Variants in WIPF3 observed in about 807,000 individuals in gnomAD.
The protein encoded by WIPF3 is WAS/WASL-interacting protein family member 3.
WIPF3 carries 33 observed loss-of-function variants against 38.9 expected under a neutral mutation model. That is an observed-to-expected ratio of 0.85 (90% CI 0.64 to 1.14). The LOEUF is 1.14. Ranked by LOEUF, WIPF3 falls within the 50% of genes most tolerant of loss-of-function variation. The pLI is 0.00. For missense variants in WIPF3, 711 were observed against 652.5 expected (o/e 1.09, Z -0.98); for synonymous variants, 324 against 269.3 (o/e 1.20, Z -1.99).
chr7:29,812,304 T>G (rs1415591067), intron 1 of WIPF3, among the ~76,000 whole-genome samples: 3 of 152,240 alleles, frequency 2.0e-5, no homozygotes, highest in Non-Finnish European at 4.4e-5. Flanking sequence ...CAAATCTGGC[T>G]TACATGGATT....
intron 2 of WIPF3, 104 bp downstream of exon 2, chr7:29,834,918 T>A: frequency 7.3e-7 from 1 of 1,360,840 alleles, no homozygotes; most frequent in Non-Finnish European, 9.9e-7. Context: ...CTAGCTTCCC[T>A]GTGGCAGGTG....
At chr7:29,879,457 A>G (rs1467584245) in intron 4 of WIPF3, among the ~76,000 whole-genome samples, 1 of 152,240 alleles carries the variant, frequency 6.6e-6, no homozygotes, top group Non-Finnish European at 1.5e-5. Context: ...GAAGGTCCAA[A>G]TTGTAATAGA....
At chr7:29,904,470 A>T in intron 8 of WIPF3, 108 bp downstream of exon 8, 2 of 1,139,732 alleles carry the variant, frequency 1.8e-6, no homozygotes, top group South Asian at 1.4e-5. Flanking sequence ...TTTTCCTCAC[A>T]CTCCTTTTCC....
chr7:29,829,297 C>G (rs979269080), intron 1 of WIPF3, among the ~76,000 whole-genome samples: 2 of 150,860 alleles, frequency 1.3e-5, no homozygotes, highest in Non-Finnish European at 3.0e-5. Context: ...ACTGCAACCT[C>G]CGCCTCCCAG....
intron 2 of WIPF3, among the ~76,000 whole-genome samples, chr7:29,859,600 C>T (rs1785241306): frequency 6.6e-6 from 1 of 152,066 alleles, no homozygotes. Context: ...AAAGTAGGAA[C>T]CTGGAAGCAA....
At chr7:29,822,321 G>T (rs1784552794) in intron 1 of WIPF3, among the ~76,000 whole-genome samples, 1 of 151,910 alleles carries the variant, frequency 6.6e-6, no homozygotes, top group African/African-American at 2.4e-5. Context: ...AGAGAAGTAT[G>T]TGTGTTATAA....
chr7:29,811,482 G>C (rs971313253), intron 1 of WIPF3, among the ~76,000 whole-genome samples: 3 of 152,174 alleles, frequency 2.0e-5, no homozygotes, highest in African/African-American at 4.8e-5. Context: ...GTTGTGGATA[G>C]TTTCCAGAGG....
At chr7:29,881,329 C>T (rs1225630666) in intron 4 of WIPF3, among the ~76,000 whole-genome samples, 1 of 152,186 alleles carries the variant, frequency 6.6e-6, no homozygotes, top group Non-Finnish European at 1.5e-5. Context: ...ATGTTTTGTT[C>T]ATTGCCATAG....
At chr7:29,912,641 G>A (rs1786525345) in intron 8 of WIPF3, 1 of 204,588 alleles carries the variant, frequency 4.9e-6, no homozygotes, top group Admixed American at 4.3e-5. Context: ...CCTGAACTTG[G>A]AAAAATAAAG....
intron 8 of WIPF3, 124 bp from the exon 9 acceptor site, chr7:29,914,369 C>T (rs777288189): frequency 9.5e-6 from 7 of 736,184 alleles, no homozygotes; most frequent in Non-Finnish European, 1.4e-5. Context: ...TCTCCCCAAA[C>T]TTGACAGCCT....
intron 7 of WIPF3, among the ~76,000 whole-genome samples, chr7:29,903,805 G>C (rs1229489645): frequency 6.6e-6 from 1 of 152,136 alleles, no homozygotes; most frequent in Admixed American, 6.5e-5. Context: ...GAACTTTGAG[G>C]TTTTTTTCCA....
chr7:29,855,737 T>C lies in WIPF3; in HGVS notation c.91-20093T>C, dbSNP rs376131809. ...CAAAGAAACCACAAGAAGTGAATGT[T>C]AACTCACTTTTTACAAATCATCTCA... On this transcript the variant is annotated intron_variant, in intron 2 of 8. Coordinates refer to ENST00000242140, the MANE Select transcript of WIPF3 (RefSeq NM_001080529.3). Among the ~76,000 whole-genome samples, 3 of 152,318 alleles carry C rather than the reference T, an allele frequency of 2.0e-5. No homozygotes were observed. The South Asian group carries it at 6.2e-4, about 32-fold the overall frequency.
chr7:29,884,272 A>ACCCCCCCCCCCCCCCCC lies in WIPF3; in HGVS notation c.778_779insCCCCCCCCCCCCCCCCC (p.Ile260ThrfsTer120). ...GCTGGCTCCCTTGCACCTCCCGCCCATCCCGCCCCCGCTCCCTCTGCTCCC... is the reference window on the plus strand; with the variant it reads ...GCTGGCTCCCTTGCACCTCCCGCCCACCCCCCCCCCCCCCCCCTCCCGCCCCCGCTCCCTCTGCTCCC... On this transcript the variant is annotated frameshift_variant, in exon 5 of 9. Transcript: ENST00000242140. LOFTEE classifies it high-confidence loss of function. The ACCCCCCCCCCCCCCCCC allele has an allele frequency of 3.7e-6, 1 of 268,998 alleles. No individual in the cohort carries two copies. 16.7% of individuals were successfully genotyped at this position (268,998 alleles called of 1,614,324 possible).
intron 1 of WIPF3, among the ~76,000 whole-genome samples, chr7:29,831,337 G>A (rs971695968): frequency 1.3e-5 from 2 of 152,200 alleles, no homozygotes; most frequent in Non-Finnish European, 1.5e-5. Context: ...CAACGGATTA[G>A]ATGGCGCCCA....
chr7:29,850,181 A>G (rs1177655829), intron 2 of WIPF3, among the ~76,000 whole-genome samples: 3 of 152,364 alleles, frequency 2.0e-5, no homozygotes, highest in South Asian at 2.1e-4. Flanking sequence ...AAGAGGCACC[A>G]TGCTTGTTCC....
rs767462022 is a variant in WIPF3, at chr7:29,883,947, G to C, written c.453G>C (p.Arg151Ser). 3 of 1,573,694 alleles carry C rather than the reference G, an allele frequency of 1.9e-6. No homozygotes were observed. The highest frequency in any genetic ancestry group is 1.8e-5 in the Admixed American group (1 of 54,454). Residue 151 changes from arginine (R) to serine (S), a missense_variant, in exon 5 of 9, where the codon AGG becomes AGC. Physicochemically the swap from Arg to Ser is moderately radical, Grantham distance 110 (BLOSUM62 -1). Coordinates refer to ENST00000242140, the MANE Select transcript of WIPF3 (RefSeq NM_001080529.3). Reference sequence around the variant, plus strand: ...CGCTTATCCCGCCTGCCTCTCCCAGGCTAGGCAATACCTCCGAGGCGCATG... The same window carrying C: ...CGCTTATCCCGCCTGCCTCTCCCAGCCTAGGCAATACCTCCGAGGCGCATG... The part of the protein sequence containing the change: ...SGPLIPPASP[R>S]LGNTSEAHGA...
At chr7:29,833,439 A>G (rs183642286) in intron 1 of WIPF3, among the ~76,000 whole-genome samples, 59 of 152,352 alleles carry the variant, frequency 3.9e-4, no homozygotes, top group African/African-American at 1.4e-3. Flanking sequence ...TTCTTTATCT[A>G]TAAAAATGGG....
At chr7:29,837,760 A>T (rs1784832287) in intron 2 of WIPF3, among the ~76,000 whole-genome samples, 1 of 152,244 alleles carries the variant, frequency 6.6e-6, no homozygotes, top group Non-Finnish European at 1.5e-5. Context: ...ATTACTATGG[A>T]AATGATGAAT....
intron 2 of WIPF3, among the ~76,000 whole-genome samples, chr7:29,856,018 T>G (rs1785182358): frequency 6.6e-6 from 1 of 152,234 alleles, no homozygotes; most frequent in African/African-American, 2.4e-5. Context: ...AACATGACTT[T>G]TGTGTGTTTC....
Sources: gnomAD v4.1 joint callset for allele counts (sites outside exome capture counted in the v4.1 genomes callset) on GRCh38, gnomAD v4.1.1 for gene constraint, MANE v1.5 for transcripts, NCBI Gene and HGNC (gene_info 2026-07-23, HGNC 2026-07-21) for gene names.